The following RYR1 variants were observed in gnomAD, a reference collection of about 807,000 sequenced individuals.
RYR1 encodes central core disease of muscle.
Under a neutral mutation model 583.5 loss-of-function variants are expected in RYR1, and 342 were observed. The ratio of observed to expected loss-of-function variants is 0.59; its 90% CI spans 0.54 to 0.64. The LOEUF (loss-of-function observed/expected upper bound fraction) is 0.64, where lower values mean the gene tolerates loss of function less well. Ranked by LOEUF, RYR1 falls within the 30% of genes least tolerant of loss-of-function variation. The pLI is 0.00. For missense variants in RYR1, 6,032 were observed against 6,917.2 expected (o/e 0.87, Z 4.54); for synonymous variants, 2,791 against 2,822.5 (o/e 0.99, Z 0.35).
intron 89 of RYR1, among the ~76,000 whole-genome samples, chr19:38,549,716 T>G (rs111870090): frequency 0.021 from 3,096 of 145,794 alleles, 13 homozygotes; most frequent in Non-Finnish European, 0.034. Context: ...TTTTTTTTTT[T>G]TTTTTTGAGA....
chr19:38,443,198 C>T (rs748975104), intron 3 of RYR1, among the ~76,000 whole-genome samples: 2 of 152,124 alleles, frequency 1.3e-5, no homozygotes, highest in Non-Finnish European at 2.9e-5. Flanking sequence ...GCAGAGGGGC[C>T]AGAGTACACG....
intron 101 of RYR1, among the ~76,000 whole-genome samples, chr19:38,582,027 C>T (rs1789526400): frequency 6.6e-6 from 1 of 152,180 alleles, no homozygotes; most frequent in Admixed American, 6.5e-5. Context: ...CCCTGGGGGC[C>T]TCACCTGTAA....
intron 96 of RYR1, among the ~76,000 whole-genome samples, chr19:38,574,626 T>C: frequency 6.6e-6 from 1 of 151,520 alleles, no homozygotes; most frequent in East Asian, 1.9e-4. Flanking sequence ...AGCAAGACCC[T>C]ATGTCTGGGG....
intron 27 of RYR1, among the ~76,000 whole-genome samples, chr19:38,472,577 G>A (rs986913712): frequency 1.7e-4 from 26 of 151,790 alleles, no homozygotes; most frequent in Non-Finnish European, 4.4e-5. Flanking sequence ...GAAAGCAAGG[G>A]TTTAAAAAGG....
In RYR1 at chr19:38,523,616, C is replaced by A. The variant is rs1324666482; in HGVS notation, c.10441-299C>A. On this transcript the variant is annotated intron_variant, in intron 69 of 105. Transcript: ENST00000359596. ...CCTCTCCATTTTCCTCTTCTCCAAG[C>A]CTCTCTCTCCTCCCATTTCCCTCCT... 8 of 605,102 alleles carry A rather than the reference C, an allele frequency of 1.3e-5. No individual in the cohort carries two copies. The Admixed American group carries it at 1.7e-4, about 13-fold the overall frequency. 37.5% of individuals were successfully genotyped at this position (605,102 alleles called of 1,614,324 possible).
Position 38,444,727 on chromosome 19 carries a change from C to T in RYR1, c.631+50C>T, listed in dbSNP as rs1325273639. 5.7e-6 allele frequency: 8 copies of T among 1,405,038 alleles called. No individual in the cohort carries two copies. The highest frequency in any genetic ancestry group is 2.4e-5 in the East Asian group (1 of 41,810). 87.0% of individuals were successfully genotyped at this position (1,405,038 alleles called of 1,614,324 possible). A position where few individuals can be genotyped will look rare whatever the true frequency, so the allele number is the denominator to read the frequency against. ...AATGGAGATCCCCCCAAAACAGACCCTTAATGTTGCCCTTCAGGCATACCC... is the reference window on the plus strand; with the variant it reads ...AATGGAGATCCCCCCAAAACAGACCTTTAATGTTGCCCTTCAGGCATACCC... On this transcript the variant is annotated intron_variant, in intron 7 of 105. Coordinates refer to ENST00000359596, the MANE Select transcript of RYR1 (RefSeq NM_000540.3). The surrounding 1 kb of genome is among the most constrained non-coding windows in gnomAD (Gnocchi z 5.1).
chr19:38,532,486 C>G lies in RYR1; in HGVS notation c.11142-4C>G, dbSNP rs760163765. On this transcript the variant is annotated splice_region_variant and splice_polypyrimidine_tract_variant and intron_variant, in intron 76 of 105. Coordinates refer to ENST00000359596, the MANE Select transcript of RYR1 (RefSeq NM_000540.3). Reference sequence around the variant, plus strand: ...CCTGACCACTCCCCTGCTTACTTCCCCAGCAAACTGGATGAGGATTACCTG... The same window carrying G: ...CCTGACCACTCCCCTGCTTACTTCCGCAGCAAACTGGATGAGGATTACCTG... 1 of 1,614,124 alleles carries G rather than the reference C, an allele frequency of 6.2e-7. No homozygotes were observed. The highest frequency in any genetic ancestry group is 8.5e-7 in the Non-Finnish European group (1 of 1,180,020).
At chr19:38,521,795 C>T (rs1971238020) in intron 67 of RYR1, among the ~76,000 whole-genome samples, 2 of 145,022 alleles carry the variant, frequency 1.4e-5, no homozygotes, top group Admixed American at 1.4e-4. Context: ...CAAGCTCCAC[C>T]TCCCGGGTTC....
chr19:38,451,273 C>A (rs529147427), intron 11 of RYR1, among the ~76,000 whole-genome samples: 1 of 152,202 alleles, frequency 6.6e-6, no homozygotes, highest in Non-Finnish European at 1.5e-5. Context: ...TGTTTACAGC[C>A]GCAGACTGGA....
Position 38,499,311 on chromosome 19 carries a change from G to A in RYR1, c.7027+68G>A. 6.2e-7 allele frequency: 1 copy of A among 1,610,124 alleles called. No individual in the cohort carries two copies. Among genetic ancestry groups the A allele is most frequent in the Admixed American group, 1.7e-5 (1 of 60,006 alleles). On this transcript the variant is annotated intron_variant, in intron 43 of 105. Transcript: ENST00000359596. The surrounding 1 kb of genome is among the most constrained non-coding windows in gnomAD (Gnocchi z 7.3). ...ACTGGTCACACACCTCCCTCGAGAT[G>A]ACTGCTCGCACCCTGAGCCACAGAT...
intron 11 of RYR1, among the ~76,000 whole-genome samples, chr19:38,449,264 A>G (rs528504352): frequency 6.6e-6 from 1 of 152,246 alleles, no homozygotes; most frequent in African/African-American, 2.4e-5. Context: ...GTTTGAGACC[A>G]GCCTGGCCAA....
Position 38,544,619 on chromosome 19 carries a change from C to T in RYR1, c.12012+744C>T, listed in dbSNP as rs79499196. Among the ~76,000 whole-genome samples the T allele has an allele frequency of 8.9e-3, 1,360 of 152,274 alleles. 38 individuals carry two copies. Among genetic ancestry groups the T allele is most frequent in the East Asian group, 0.077 (397 of 5,178 alleles). ...CTACAGGAAGTGTTTTAGGGGACGC[C>T]TTTTTTTCTAATTTGCTCAAAGGTG... On this transcript the variant is annotated intron_variant, in intron 87 of 105. Transcript: ENST00000359596.
Position 38,515,113 on chromosome 19 carries a change from G to A in RYR1, c.9554+6G>A, listed in dbSNP as rs768702141. ...AAGAACACTTATGTGGAAAAGTAAG[G>A]AGAGGGAGCCATCGTTTGGGGCTGG... On this transcript the variant is annotated splice_donor_region_variant and intron_variant, in intron 64 of 105. Transcript: ENST00000359596. 18 of 1,589,636 alleles carry A rather than the reference G, an allele frequency of 1.1e-5. No homozygotes were observed. The South Asian group carries it at 2.0e-4, about 18-fold the overall frequency.
At chr19:38,513,532 A>G (rs1404735618) in intron 63 of RYR1, among the ~76,000 whole-genome samples, 1 of 152,088 alleles carries the variant, frequency 6.6e-6, no homozygotes, top group African/African-American at 2.4e-5. Context: ...TCTCCCATCC[A>G]ACTTTGTATT....
At chr19:38,501,176 A>G (rs1467105693) in intron 47 of RYR1, among the ~76,000 whole-genome samples, 186 bp downstream of exon 47, 1 of 152,254 alleles carries the variant, frequency 6.6e-6, no homozygotes, top group Non-Finnish European at 1.5e-5. Flanking sequence ...AAGGGTGAGT[A>G]GGAATCTCCA....
chr19:38,510,401 A>G, intron 58 of RYR1, 97 bp from the exon 59 acceptor site: 1 of 1,219,672 alleles, frequency 8.2e-7, no homozygotes. Context: ...TTTATCCCCC[A>G]TCATTTCCCA....
chr19:38,504,938 G>C (rs1600845242), intron 51 of RYR1, 27 bp downstream of exon 51: 3 of 1,612,668 alleles, frequency 1.9e-6, no homozygotes, highest in Non-Finnish European at 1.7e-6. Flanking sequence ...GGGAGACAGA[G>C]AGGAAGATTT....
In RYR1 at chr19:38,543,510, A is replaced by G; in HGVS notation, c.11779-22A>G. 4 of 1,613,988 alleles carry G rather than the reference A, an allele frequency of 2.5e-6. No homozygotes were observed. The highest frequency in any genetic ancestry group is 3.4e-6 in the Non-Finnish European group (4 of 1,179,984). On this transcript the variant is annotated intron_variant, in intron 85 of 105. Coordinates refer to ENST00000359596, the MANE Select transcript of RYR1 (RefSeq NM_000540.3). This position sits in a 1 kb window ranked among gnomAD's most constrained non-coding sequence, Gnocchi z 4.4. ...CCATGGTCGGCCCCAGCACCCCCTC[A>G]CACCCTACCCGCCCCCACCAGGAAT...
At chr19:38,442,648 T>C (rs1972749895) in intron 3 of RYR1, among the ~76,000 whole-genome samples, 195 bp downstream of exon 3, 1 of 152,062 alleles carries the variant, frequency 6.6e-6, no homozygotes, top group African/African-American at 2.4e-5. Context: ...GGATGTCACC[T>C]GTCCTTCCAC....
Sources: gnomAD v4.1 joint callset for allele counts (sites outside exome capture counted in the v4.1 genomes callset) on GRCh38, gnomAD v4.1.1 for gene constraint, Gnocchi (gnomAD v3.1) non-coding constraint, MANE v1.5 for transcripts, NCBI Gene and HGNC (gene_info 2026-07-23, HGNC 2026-07-21) for gene names.